Variants in ANXA4 observed in about 807,000 individuals in gnomAD.
ANXA4 encodes the protein 35-beta calcimedin.
Under a neutral mutation model 49.8 loss-of-function variants are expected in ANXA4, and 39 were observed. That is an observed-to-expected ratio of 0.78 (90% CI 0.61 to 1.02). ANXA4 has a LOEUF of 1.02. ANXA4 is among the 50% of genes least tolerant of loss of function. ANXA4 has a pLI of 0.00. For missense variants in ANXA4, 360 were observed against 410.1 expected (o/e 0.88, Z 1.05); for synonymous variants, 134 against 152.5 (o/e 0.88, Z 0.89).
chr2:69,770,999 C>T (rs941650736), intron 1 of ANXA4, among the ~76,000 whole-genome samples: 10 of 144,872 alleles, frequency 6.9e-5, no homozygotes, highest in South Asian at 4.4e-4. Context: ...GAGGCTGAGG[C>T]GGCAGGATCT....
At chr2:69,756,277 C>T (rs926226273) in intron 1 of ANXA4, among the ~76,000 whole-genome samples, 5 of 152,012 alleles carry the variant, frequency 3.3e-5, no homozygotes, top group African/African-American at 1.2e-4. Flanking sequence ...TGCCTTGGGG[C>T]GTTTTTGCTG....
intron 2 of ANXA4, among the ~76,000 whole-genome samples, chr2:69,705,539 T>C (rs547131450): frequency 2.0e-4 from 31 of 152,354 alleles, no homozygotes; most frequent in African/African-American, 7.0e-4. Context: ...ATCTTTGTTC[T>C]ACAATTTGGA....
Position 69,818,708 on chromosome 2 carries a change from G to C in ANXA4, c.724+14G>C. The C allele has an allele frequency of 6.5e-7, 1 of 1,539,428 alleles. No individual in the cohort carries two copies. Among genetic ancestry groups the C allele is most frequent in the South Asian group, 1.2e-5 (1 of 86,532 alleles). ...TGCTGGCTATAGGTAAGCTGGTAGG[G>C]GGAGTAGAGAAACAAATGTTTATAG... On this transcript the variant is annotated intron_variant, in intron 10 of 12. Transcript: ENST00000394295.
At chr2:69,670,848 G>GA (rs1434068356) in intron 2 of ANXA4, among the ~76,000 whole-genome samples, 4 of 151,764 alleles carry the variant, frequency 2.6e-5, no homozygotes, top group Non-Finnish European at 5.9e-5. Flanking sequence ...AACATAGTGA[G>GA]ACCCCTGTCT....
chr2:69,701,855 T>C (rs1678339091), intron 2 of ANXA4, among the ~76,000 whole-genome samples: 1 of 152,160 alleles, frequency 6.6e-6, no homozygotes, highest in African/African-American at 2.4e-5. Flanking sequence ...TCTTTACCCA[T>C]TGTTTTCTCT....
chr2:69,669,006 G>C (rs569261606), intron 2 of ANXA4, among the ~76,000 whole-genome samples: 1 of 149,510 alleles, frequency 6.7e-6, no homozygotes, highest in Non-Finnish European at 1.5e-5. Context: ...GTGCGATCTC[G>C]CCTCACTGCA....
intron 4 of ANXA4, 34 bp from the exon 5 acceptor site, chr2:69,806,351 A>G (rs774003034): frequency 1.3e-6 from 2 of 1,485,260 alleles, no homozygotes; most frequent in East Asian, 4.5e-5. Context: ...AATTTGCTAT[A>G]GCAGTTAAGC....
chr2:69,820,986 C>T (rs938545309), intron 12 of ANXA4, among the ~76,000 whole-genome samples, 165 bp downstream of exon 12: 10 of 152,182 alleles, frequency 6.6e-5, no homozygotes, highest in African/African-American at 2.4e-4. Flanking sequence ...ATATTTAAAC[C>T]TTTGCCAGGA....
intron 2 of ANXA4, among the ~76,000 whole-genome samples, chr2:69,668,130 G>A (rs1015875612): frequency 6.6e-6 from 1 of 151,938 alleles, no homozygotes; most frequent in Admixed American, 6.6e-5. Context: ...GCCTTTAATT[G>A]GGGCCATTAA....
intron 2 of ANXA4, among the ~76,000 whole-genome samples, chr2:69,688,479 G>A (rs1279881706): frequency 7.2e-5 from 11 of 152,162 alleles, no homozygotes; most frequent in African/African-American, 1.2e-4. Flanking sequence ...AGTTCTAAAC[G>A]GTGATCTTCT....
intron 2 of ANXA4, chr2:69,720,744 G>T (rs1016006518): frequency 6.6e-6 from 1 of 152,102 alleles, no homozygotes; most frequent in Non-Finnish European, 1.5e-5. Flanking sequence ...CCAGAGGAGG[G>T]GTCCAAATGT....
At chr2:69,745,263 G>T (rs896311210) in intron 1 of ANXA4, among the ~76,000 whole-genome samples, 22 of 152,164 alleles carry the variant, frequency 1.4e-4, no homozygotes, top group African/African-American at 5.1e-4. Context: ...TGAGGAAGTA[G>T]TTTTTAAAAC....
chr2:69,752,979 C>T (rs769373707), intron 1 of ANXA4, among the ~76,000 whole-genome samples: 1 of 152,158 alleles, frequency 6.6e-6, no homozygotes, highest in Non-Finnish European at 1.5e-5. Context: ...AAATTCTTTC[C>T]CTATTGAAAT....
intron 2 of ANXA4, among the ~76,000 whole-genome samples, chr2:69,704,828 C>T (rs1573123383): frequency 6.6e-6 from 1 of 152,064 alleles, no homozygotes; most frequent in Admixed American, 6.6e-5. Flanking sequence ...GCAATCTCCC[C>T]CAGATTCCTA....
intron 1 of ANXA4, among the ~76,000 whole-genome samples, chr2:69,777,014 C>A (rs890876100): frequency 3.3e-5 from 5 of 152,126 alleles, no homozygotes; most frequent in African/African-American, 1.2e-4. Flanking sequence ...GCTCACAGGA[C>A]TCAGGAAAAC....
At chr2:69,652,260 A>G (rs1272154109) in intron 1 of ANXA4, among the ~76,000 whole-genome samples, 6 of 145,608 alleles carry the variant, frequency 4.1e-5, no homozygotes, top group African/African-American at 1.3e-4. Context: ...CTCGCCTCAG[A>G]CTCTCAAAGT....
chr2:69,795,102 T>C (rs924901779), intron 3 of ANXA4, among the ~76,000 whole-genome samples: 4 of 152,016 alleles, frequency 2.6e-5, no homozygotes, highest in South Asian at 2.1e-4. Context: ...TTAAGGAGAG[T>C]CTTAGCATCT....
rs1468389394 is a variant in ANXA4, at chr2:69,647,391, T to C, written n.481+2486T>C. ...TTGTTTTATTGTTTTATTTTTATTTTATTTATTTATTTATTTATTTATTTA... is the reference window on the plus strand; with the variant it reads ...TTGTTTTATTGTTTTATTTTTATTTCATTTATTTATTTATTTATTTATTTA... On this transcript the variant is annotated intron_variant and non_coding_transcript_variant, in intron 1 of 3. Coordinates refer to the ANXA4 transcript ENST00000418066. 3.8e-5 allele frequency among the ~76,000 whole-genome samples: 4 copies of C among 106,158 alleles called. No homozygotes were observed. In the East Asian group the frequency reaches 2.1e-3, roughly 57 times the overall value. The allele number at this position is 106,158 out of a possible 152,430, so 69.6% of individuals were successfully genotyped here. A position where few individuals can be genotyped will look rare whatever the true frequency, so the allele number is the denominator to read the frequency against.
intron 3 of ANXA4, among the ~76,000 whole-genome samples, chr2:69,790,276 G>A (rs992143173): frequency 9.2e-5 from 14 of 152,038 alleles, no homozygotes; most frequent in Non-Finnish European, 2.1e-4. Context: ...GCTGCTAGGG[G>A]AAACTGGGTG....
Sources: gnomAD v4.1 joint callset for allele counts (sites outside exome capture counted in the v4.1 genomes callset) on GRCh38, gnomAD v4.1.1 for gene constraint, MANE v1.5 for transcripts, NCBI Gene and HGNC (gene_info 2026-07-23, HGNC 2026-07-21) for gene names.